Variants in PLPPR5 observed in about 807,000 individuals in gnomAD.
PLPPR5 encodes phospholipid phosphatase related 5, also known as phospholipid phosphatase-related protein type 5.
In PLPPR5, 16 loss-of-function variants were observed where a neutral mutation model predicts 33.9. That is an observed-to-expected ratio of 0.47 (90% confidence interval 0.32 to 0.72). The LOEUF is 0.72. Ranked by LOEUF, PLPPR5 falls within the 30% of genes least tolerant of loss-of-function variation. The probability of loss-of-function intolerance (pLI) is 0.03; values close to 1 mark genes in which losing one functional copy is unlikely to be tolerated. For missense variants in PLPPR5, 301 were observed against 406.7 expected (o/e 0.74, Z 2.23); for synonymous variants, 163 against 150.3 (o/e 1.08, Z -0.62).
chr1:98,943,533 G>T (rs1351006796), intron 3 of PLPPR5, among the ~76,000 whole-genome samples: 1 of 152,194 alleles, frequency 6.6e-6, no homozygotes, highest in Non-Finnish European at 1.5e-5. Flanking sequence ...CTGGCTGAAA[G>T]TGGATCTATT....
chr1:98,980,021 T>C (rs562581525), intron 1 of PLPPR5, among the ~76,000 whole-genome samples: 6 of 152,024 alleles, frequency 3.9e-5, no homozygotes, highest in Non-Finnish European at 7.4e-5. Flanking sequence ...CATCTTTATC[T>C]TGGTTTTCCT....
intron 1 of PLPPR5, among the ~76,000 whole-genome samples, chr1:98,990,362 G>A (rs547537703): frequency 1.4e-4 from 22 of 151,888 alleles, no homozygotes; most frequent in African/African-American, 5.1e-4. Context: ...GAGTAAGGAG[G>A]CTCATCCCAA....
intron 5 of PLPPR5, among the ~76,000 whole-genome samples, chr1:98,896,834 C>A (rs1047859117): frequency 6.8e-6 from 1 of 147,592 alleles, no homozygotes; most frequent in Admixed American, 6.7e-5. Context: ...AAAATACAGT[C>A]TGTAATTTAA....
At chr1:99,001,428 A>G (rs1384711457) in intron 1 of PLPPR5, among the ~76,000 whole-genome samples, 2 of 151,928 alleles carry the variant, frequency 1.3e-5, no homozygotes, top group Non-Finnish European at 2.9e-5. Context: ...AGTCACCGCA[A>G]CCGACCCCCA....
At chr1:98,958,145 T>C (rs1651083809) in intron 1 of PLPPR5, among the ~76,000 whole-genome samples, 1 of 152,242 alleles carries the variant, frequency 6.6e-6, no homozygotes, top group African/African-American at 2.4e-5. Flanking sequence ...TTGTGAAGTT[T>C]GCTTTTATTA....
chr1:98,981,475 T>C (rs774048284), intron 1 of PLPPR5, among the ~76,000 whole-genome samples: 6 of 152,018 alleles, frequency 3.9e-5, no homozygotes, highest in Non-Finnish European at 8.8e-5. Flanking sequence ...CAACATCACC[T>C]CCTCTCAGAA....
At chr1:98,950,317 A>G (rs1437106721) in intron 3 of PLPPR5, among the ~76,000 whole-genome samples, 1 of 152,248 alleles carries the variant, frequency 6.6e-6, no homozygotes, top group African/African-American at 2.4e-5. Context: ...ATACAAAGGA[A>G]CTAGTAAAGT....
chr1:98,909,374 TA>T (rs1344875440), intron 5 of PLPPR5, among the ~76,000 whole-genome samples: 1 of 151,252 alleles, frequency 6.6e-6, no homozygotes, highest in East Asian at 1.9e-4. Flanking sequence ...TCTATACTAC[TA>T]AAGAAAAATA....
At chr1:98,986,073 G>A (rs192594057) in intron 1 of PLPPR5, among the ~76,000 whole-genome samples, 15 of 151,984 alleles carry the variant, frequency 9.9e-5, no homozygotes, top group South Asian at 4.2e-4. Flanking sequence ...ACTTGTCACC[G>A]TTTCAAAAAT....
At position 98,914,871 on chromosome 1, in the gene PLPPR5, T is replaced by C. The variant is rs770619194; in HGVS notation, c.848A>G (p.His283Arg). ...NFKGRQAENE[H>R]IHMDNLAQMP... is the part of the protein sequence containing the mutation. ...CTGTGCCAGATTATCCATGTGTATATGCTCATTTTCTGCTTGTCTCCCTTT... is the reference window on the plus strand; with the variant it reads ...CTGTGCCAGATTATCCATGTGTATACGCTCATTTTCTGCTTGTCTCCCTTT... Residue 283 changes from histidine (H) to arginine (R), a missense_variant, in exon 5 of 6, where the codon CAT becomes CGT. By Grantham distance (29) the His-to-Arg change is conservative. Transcript: ENST00000263177. 22 of 1,612,910 alleles carry C rather than the reference T, an allele frequency of 1.4e-5. No individual in the cohort carries two copies. In the African/African-American group the frequency reaches 2.5e-4, roughly 19 times the overall value.
chr1:98,965,245 A>G (rs1272151321), intron 1 of PLPPR5, among the ~76,000 whole-genome samples: 1 of 152,128 alleles, frequency 6.6e-6, no homozygotes, highest in East Asian at 1.9e-4. Context: ...CCCCAACCTG[A>G]TAGAAGCCTT....
intron 1 of PLPPR5, among the ~76,000 whole-genome samples, chr1:98,989,525 A>G (rs72732421): frequency 0.091 from 13,847 of 152,194 alleles, 730 homozygotes; most frequent in Non-Finnish European, 0.11. Context: ...CAAAAGTAAG[A>G]GTGTGATCAA....
At chr1:98,917,474 C>G (rs1213926992) in intron 4 of PLPPR5, among the ~76,000 whole-genome samples, 1 of 152,168 alleles carries the variant, frequency 6.6e-6, no homozygotes, top group African/African-American at 2.4e-5. Context: ...CCCCTTAAAG[C>G]CATTCATGGC....
At chr1:98,946,187 T>C (rs1353670257) in intron 3 of PLPPR5, among the ~76,000 whole-genome samples, 1 of 152,010 alleles carries the variant, frequency 6.6e-6, no homozygotes, top group Non-Finnish European at 1.5e-5. Context: ...TCCCTCGCCT[T>C]TAGTTTCTTT....
chr1:99,003,909 T>A (rs1652961504), intron 1 of PLPPR5, among the ~76,000 whole-genome samples: 1 of 152,192 alleles, frequency 6.6e-6, no homozygotes. Context: ...GTCAGCTTAG[T>A]CCCATTGGCA....
intron 1 of PLPPR5, among the ~76,000 whole-genome samples, chr1:98,980,662 A>AATATATAGGTG (rs1553171549): frequency 6.6e-6 from 1 of 152,130 alleles, no homozygotes; most frequent in Non-Finnish European, 1.5e-5. Context: ...TTTATAGAGC[A>AATATATAGGTG]ATATATAGGT....
intron 2 of PLPPR5, among the ~76,000 whole-genome samples, chr1:98,956,096 A>G (rs569846545): frequency 2.6e-5 from 4 of 152,188 alleles, no homozygotes; most frequent in African/African-American, 4.8e-5. Context: ...CATTTCTTCT[A>G]TTTTCCAAGT....
intron 1 of PLPPR5, among the ~76,000 whole-genome samples, chr1:98,995,543 G>A (rs947680527): frequency 3.3e-5 from 5 of 152,016 alleles, no homozygotes; most frequent in African/African-American, 1.2e-4. Context: ...AATGAGTAGG[G>A]TACAGGACTC....
rs114945923 is a variant in PLPPR5, at chr1:98,951,997, T to C, written c.621+1073A>G. Among the ~76,000 whole-genome samples, 796 of 152,292 alleles carry C rather than the reference T, an allele frequency of 5.2e-3. 7 individuals carry two copies. The highest frequency in any genetic ancestry group is 0.019 in the African/African-American group (771 of 41,564). On this transcript the variant is annotated intron_variant, in intron 3 of 5. Transcript: ENST00000263177. ...CTCTGATCTGGCCGGGTGCAGCAGC[T>C]CACGCCTGTAATGCCAGCACTTTGG...
Sources: allele counts gnomAD v4.1 joint callset (sites outside exome capture counted in the v4.1 genomes callset), GRCh38; gene constraint gnomAD v4.1.1; transcripts MANE v1.5; gene names NCBI Gene and HGNC (gene_info 2026-07-23, HGNC 2026-07-21).